VWA3A: variants seen among roughly 807,000 people sequenced by gnomAD.
The protein encoded by VWA3A is von Willebrand factor A domain containing 3A, also known as von Willebrand factor A domain-containing protein 3A.
Under a neutral mutation model 160.4 loss-of-function variants are expected in VWA3A, and 134 were observed. The ratio of observed to expected loss-of-function variants is 0.84; its 90% CI spans 0.73 to 0.96. The LOEUF (loss-of-function observed/expected upper bound fraction) is 0.96, where lower values mean the gene tolerates loss of function less well. Among genes scored for constraint, VWA3A ranks in the 40% least tolerant of loss-of-function variants. The pLI is 0.00. For synonymous variants in VWA3A, 476 were observed against 543.4 expected, an observed-to-expected ratio of 0.88 and a Z score of 1.72; for missense variants, 1,310 against 1,447.9, an observed-to-expected ratio of 0.90 and a Z score of 1.55.
At chr16:22,131,183 G>A (rs752997566) in intron 17 of VWA3A, 22 bp from the exon 18 acceptor site, 19 of 1,612,030 alleles carry the variant, frequency 1.2e-5, no homozygotes, top group African/African-American at 6.7e-5. Flanking sequence ...GCCTAAGAAC[G>A]AACTCTCTTT....
At chr16:22,093,280 T>C (rs1355613706) in intron 1 of VWA3A, among the ~76,000 whole-genome samples, 2 of 152,116 alleles carry the variant, frequency 1.3e-5, no homozygotes, top group East Asian at 1.9e-4. Context: ...ACTAAATATA[T>C]AGAAAATTTA....
intron 25 of VWA3A, 82 bp downstream of exon 25, chr16:22,142,847 G>A (rs1006457949): frequency 2.8e-5 from 30 of 1,077,202 alleles, no homozygotes; most frequent in African/African-American, 1.6e-4. Context: ...AGGATGGGGG[G>A]GCATAATCAG....
rs772733072 is a variant in VWA3A at position 22,148,279 on chromosome 16, G to A, written c.2957G>A (p.Trp986Ter). Reference protein sequence around the residue: ...QVKTELVLLIWEQLRKCCDSF... With the variant: ...QVKTELVLLI Reference sequence around the variant, plus strand: ...AAGACAGAGCTGGTTTTGCTGATTTGGGAACAGCTGCGGAAGTGCTGTGAC... The same window carrying A: ...AAGACAGAGCTGGTTTTGCTGATTTAGGAACAGCTGCGGAAGTGCTGTGAC... The change falls in exon 28 of 34, where the codon TGG becomes TAG. Residue 986 changes from tryptophan (W) to a stop codon, truncating the protein, a stop_gained. Transcript: ENST00000389398. LOFTEE classifies it high-confidence loss of function. 3.8e-6 allele frequency: 6 copies of A among 1,597,414 alleles called. No homozygotes were observed. In the East Asian group the frequency reaches 1.4e-4, roughly 36 times the overall value.
At chr16:22,113,363 C>CTTT (rs569069206) in intron 8 of VWA3A, among the ~76,000 whole-genome samples, 2,483 of 46,118 alleles carry the variant, frequency 0.054, 427 homozygotes, top group Middle Eastern at 0.1. Flanking sequence ...GGCTAATTTT[C>CTTT]TTTTTTTTTT....
At chr16:22,106,787 G>A (rs1476735993) in intron 6 of VWA3A, among the ~76,000 whole-genome samples, 1 of 152,214 alleles carries the variant, frequency 6.6e-6, no homozygotes, top group Non-Finnish European at 1.5e-5. Context: ...CAGGACAACC[G>A]CTCTGGGCGA....
At position 22,123,165 on chromosome 16, in the gene VWA3A, G is replaced by A. The variant is rs1200454907; in HGVS notation, c.1437G>A (p.Gln479=). Reference sequence around the variant, plus strand: ...ACCCACCCTTCCTCTATAAGTACCAGGTCAGTGATGGGTTCAATCAGTCAG... The same window carrying A: ...ACCCACCCTTCCTCTATAAGTACCAAGTCAGTGATGGGTTCAATCAGTCAG... ...HVDPPFLYKY[Q]QQLSRAMRMY... Residue 479 remains glutamine, a splice_region_variant and synonymous_variant, in exon 15 of 34, where the codon CAG becomes CAA. Coordinates refer to ENST00000389398, the MANE Select transcript of VWA3A (RefSeq NM_173615.5). The A allele has an allele frequency of 2.5e-6, 4 of 1,598,810 alleles. No homozygotes were observed. Among genetic ancestry groups the A allele is most frequent in the Non-Finnish European group, 1.7e-6 (2 of 1,172,254 alleles).
At chr16:22,108,479 A>G (rs1046315046) in intron 6 of VWA3A, among the ~76,000 whole-genome samples, 1 of 152,184 alleles carries the variant, frequency 6.6e-6, no homozygotes, top group Non-Finnish European at 1.5e-5. Flanking sequence ...TAGACTCTGC[A>G]TGGAAAGATT....
chr16:22,142,866 A>T (rs1169647776), intron 25 of VWA3A, 101 bp downstream of exon 25: 1 of 913,502 alleles, frequency 1.1e-6, no homozygotes, highest in Non-Finnish European at 1.7e-6. Flanking sequence ...AGAAATGAGA[A>T]CAAGCCAGGC....
At position 22,142,686 on chromosome 16, in the gene VWA3A, A is replaced by G. The variant is rs2141999058; in HGVS notation, c.2513A>G (p.Tyr838Cys). Residue 838 changes from tyrosine to cysteine, a missense_variant, in exon 25 of 34, where the codon TAC (tyrosine) becomes TGC (cysteine). Transcript: ENST00000389398. ...GNDVGSVYKK[Y>C]PQGRGLRRTS... ...CTTCTAGGCTCAGTGTACAAGAAGT[A>G]CCCTCAAGGAAGGGGCTTGAGAAGG... 6.4e-7 allele frequency: 1 copy of G among 1,569,532 alleles called. No individual in the cohort carries two copies. Among genetic ancestry groups the G allele is most frequent in the South Asian group, 1.2e-5 (1 of 85,100 alleles).
At chr16:22,146,754 A>G (rs2046258670) in intron 27 of VWA3A, among the ~76,000 whole-genome samples, 1 of 150,688 alleles carries the variant, frequency 6.6e-6, no homozygotes, top group South Asian at 2.1e-4. Context: ...GGGCAACAAG[A>G]GTGAAACTCT....
chr16:22,151,473 G>A (rs920635651), intron 30 of VWA3A, among the ~76,000 whole-genome samples: 1 of 152,166 alleles, frequency 6.6e-6, no homozygotes, highest in African/African-American at 2.4e-5. Flanking sequence ...TCTTCCCTGG[G>A]ATCACATTTG....
intron 5 of VWA3A, 24 bp downstream of exon 5, chr16:22,100,517 C>T (rs759002229): frequency 1.3e-6 from 2 of 1,544,542 alleles, no homozygotes; most frequent in South Asian, 2.4e-5. Flanking sequence ...TCACTGTCCT[C>T]CCAACACCAC....
At chr16:22,099,795 C>G (rs1051301335) in intron 3 of VWA3A, among the ~76,000 whole-genome samples, 3 of 152,178 alleles carry the variant, frequency 2.0e-5, no homozygotes, top group Non-Finnish European at 4.4e-5. Flanking sequence ...AACCAGGGGG[C>G]TGGGTACAGC....
At chr16:22,136,848 T>C (rs540988503) in intron 21 of VWA3A, among the ~76,000 whole-genome samples, 10 of 150,858 alleles carry the variant, frequency 6.6e-5, no homozygotes, top group Non-Finnish European at 1.2e-4. Context: ...CTGGCTAACA[T>C]GGTGAAACCC....
In VWA3A at chr16:22,125,230, ATTTAAAT is replaced by A. The variant is rs1435942481; in HGVS notation, c.1533-946_1533-940del. Among the ~76,000 whole-genome samples, 29 of 151,092 alleles carry A rather than the reference ATTTAAAT, an allele frequency of 1.9e-4. No individual in the cohort carries two copies. In the East Asian group the frequency reaches 5.6e-3, roughly 29 times the overall value. ...TGGTCTCTACAAAAAAAAAAAAAAA[ATTTAAAT>A]TAGCCAGGCATGGTGATGTGTGCCT... is the stretch of plus-strand genomic sequence containing the variant. On this transcript the variant is annotated intron_variant, in intron 16 of 33. Coordinates refer to ENST00000389398, the MANE Select transcript of VWA3A (RefSeq NM_173615.5).
intron 31 of VWA3A, among the ~76,000 whole-genome samples, chr16:22,155,174 G>T (rs1191192342): frequency 6.6e-6 from 1 of 151,884 alleles, no homozygotes; most frequent in African/African-American, 2.4e-5. Flanking sequence ...CAAATAAAAA[G>T]CATACCTGTA....
At chr16:22,108,775 T>A (rs1200992079) in intron 6 of VWA3A, among the ~76,000 whole-genome samples, 1 of 152,130 alleles carries the variant, frequency 6.6e-6, no homozygotes, top group Non-Finnish European at 1.5e-5. Context: ...ATGTGCAGAG[T>A]CAAACAGCAT....
At chr16:22,129,547 G>A (rs534558425) in intron 17 of VWA3A, among the ~76,000 whole-genome samples, 1 of 152,262 alleles carries the variant, frequency 6.6e-6, no homozygotes, top group Non-Finnish European at 1.5e-5. Flanking sequence ...TGAAGGGAAA[G>A]ATGGTTTTAA....
chr16:22,103,246 C>G (rs1263713734), intron 5 of VWA3A, among the ~76,000 whole-genome samples: 1 of 151,948 alleles, frequency 6.6e-6, no homozygotes, highest in Non-Finnish European at 1.5e-5. Flanking sequence ...GTTGCTTAAG[C>G]TGGTCTTGAA....
Sources: allele counts gnomAD v4.1 joint callset (sites outside exome capture counted in the v4.1 genomes callset), GRCh38; gene constraint gnomAD v4.1.1; transcripts MANE v1.5; gene names NCBI Gene and HGNC (gene_info 2026-07-23, HGNC 2026-07-21).